Variants in FMO4 observed in about 807,000 individuals in gnomAD.
FMO4 encodes the protein dimethylaniline monooxygenase [N-oxide-forming] 4.
A neutral mutation model predicts 43.3 loss-of-function variants in FMO4; 38 were observed. That is an observed-to-expected ratio of 0.88 (90% confidence interval 0.68 to 1.15). FMO4 has a LOEUF of 1.15. Among genes scored for constraint, FMO4 ranks in the 50% most tolerant of loss-of-function variants. The pLI is 0.00. For missense variants in FMO4, 631 were observed against 663.3 expected (o/e 0.95, Z 0.54); for synonymous variants, 224 against 232.2 (o/e 0.96, Z 0.32).
Position 171,341,753 on chromosome 1 carries a change from T to A in FMO4, c.1591T>A (p.Cys531Ser). 1 of 1,613,856 alleles carries A rather than the reference T, an allele frequency of 6.2e-7. No homozygotes were observed. Among genetic ancestry groups the A allele is most frequent in the South Asian group, 1.1e-5 (1 of 91,072 alleles). The change falls in exon 10 of 10, where the codon TGT becomes AGT. Residue 531 changes from cysteine to serine, a missense_variant. Coordinates refer to ENST00000367749, the MANE Select transcript of FMO4 (RefSeq NM_002022.3). ...PVLLASLLLI[C>S]KSSLFLKLVR... ...CCTACTTGCCTCTCTTCTACTTATCTGTAAATCTTCACTTTTCTTGAAATT... is the reference window on the plus strand; with the variant it reads ...CCTACTTGCCTCTCTTCTACTTATCAGTAAATCTTCACTTTTCTTGAAATT...
chr1:171,331,881 T>G, intron 6 of FMO4, 99 bp downstream of exon 6: 1 of 1,042,696 alleles, frequency 9.6e-7, no homozygotes, highest in Non-Finnish European at 1.4e-6. Flanking sequence ...AATTGCTAAA[T>G]TATGCAGACA....
chr1:171,328,133 C>G (rs145225955), intron 5 of FMO4, among the ~76,000 whole-genome samples: 6,715 of 152,168 alleles, frequency 0.044, 473 homozygotes, highest in African/African-American at 0.15. Context: ...CTCCACCTCC[C>G]AGGTTCAAGC....
intron 4 of FMO4, 92 bp from the exon 5 acceptor site, chr1:171,324,046 C>A: frequency 8.3e-7 from 1 of 1,198,208 alleles, no homozygotes; most frequent in Non-Finnish European, 1.1e-6. Context: ...GGGACTTGGC[C>A]TACTAAAAGT....
chr1:171,334,739 C>T lies in FMO4; in HGVS notation c.1156C>T (p.Arg386Ter), dbSNP rs373453446. ...SILSGTELQA[R>*]WVTRVFKGLC... Reference sequence around the variant, plus strand: ...CTTATCAGGCACAGAGCTCCAAGCACGATGGGTCACAAGAGTATTCAAAGG... The same window carrying T: ...CTTATCAGGCACAGAGCTCCAAGCATGATGGGTCACAAGAGTATTCAAAGG... The change falls in exon 8 of 10, where the codon CGA becomes TGA. Residue 386 changes from arginine (R) to a stop codon, truncating the protein, a stop_gained. Transcript: ENST00000367749. LOFTEE classifies it high-confidence loss of function. 21 of 1,586,950 alleles carry T rather than the reference C, an allele frequency of 1.3e-5. No individual in the cohort carries two copies. Among genetic ancestry groups the T allele is most frequent in the East Asian group, 1.1e-4 (5 of 44,784 alleles).
chr1:171,333,990 A>AT (rs1471573628), intron 7 of FMO4, among the ~76,000 whole-genome samples: 2 of 152,050 alleles, frequency 1.3e-5, no homozygotes, highest in Non-Finnish European at 2.9e-5. Context: ...TGCCCAGCTA[A>AT]TTTTTTGTAT....
At chr1:171,323,720 T>C (rs1315540536) in intron 4 of FMO4, among the ~76,000 whole-genome samples, 2 of 152,154 alleles carry the variant, frequency 1.3e-5, no homozygotes, top group Non-Finnish European at 2.9e-5. Flanking sequence ...CAAACTCTCA[T>C]TCAGGATGAA....
At chr1:171,318,983 G>A (rs1317283302) in intron 2 of FMO4, among the ~76,000 whole-genome samples, 2 of 152,162 alleles carry the variant, frequency 1.3e-5, no homozygotes, top group Non-Finnish European at 2.9e-5. Flanking sequence ...GGATCTAGAG[G>A]TGTCATAAAA....
rs532902589 is a variant in FMO4 at position 171,340,164 on chromosome 1, T to C, written c.1251-1249T>C. The stretch of plus-strand genomic sequence containing the variant: ...CCTACGGACAACTTATTTAAAAATA[T>C]TTCAGCTATCAAAATTCTAGCTGTA... On this transcript the variant is annotated intron_variant, in intron 9 of 9. Coordinates refer to ENST00000367749, the MANE Select transcript of FMO4 (RefSeq NM_002022.3). Among the ~76,000 whole-genome samples the C allele has an allele frequency of 2.1e-4, 32 of 152,336 alleles. 1 individual carries two copies. The South Asian group carries it at 6.6e-3, about 32-fold the overall frequency.
chr1:171,324,415 C>A, intron 5 of FMO4, 115 bp downstream of exon 5: 2 of 767,660 alleles, frequency 2.6e-6, no homozygotes. Context: ...TATATTCATT[C>A]TCAAAAATAA....
chr1:171,335,350 T>C (rs1663076837), intron 8 of FMO4, among the ~76,000 whole-genome samples: 1 of 152,198 alleles, frequency 6.6e-6, no homozygotes, highest in South Asian at 2.1e-4. Flanking sequence ...ATGACAAGAA[T>C]TTTGTAAAAA....
intron 3 of FMO4, among the ~76,000 whole-genome samples, chr1:171,320,554 T>A (rs1237569683): frequency 6.6e-6 from 1 of 152,206 alleles, no homozygotes; most frequent in East Asian, 1.9e-4. Flanking sequence ...CCAGGCCACC[T>A]GTTAGGTGAC....
chr1:171,341,673 A>G lies in FMO4; in HGVS notation c.1511A>G (p.Asp504Gly), dbSNP rs547773096. 2 of 1,613,872 alleles carry G rather than the reference A, an allele frequency of 1.2e-6. No homozygotes were observed. Among genetic ancestry groups the G allele is most frequent in the South Asian group, 2.2e-5 (2 of 91,078 alleles). The part of the protein sequence containing the change: ...LKPLKTRIVP[D>G]SSKPASMSHY... ...CCTTTAAAAACTCGAATTGTCCCTG[A>G]TTCCTCCAAGCCTGCCTCCATGTCA... Residue 504 changes from aspartate (D) to glycine (G), a missense_variant, in exon 10 of 10, where the codon GAT becomes GGT. Physicochemically the swap from Asp to Gly is moderately conservative, Grantham distance 94 (BLOSUM62 -1). Transcript: ENST00000367749.
chr1:171,329,391 C>T (rs539565679), intron 5 of FMO4, among the ~76,000 whole-genome samples: 26 of 152,250 alleles, frequency 1.7e-4, no homozygotes, highest in African/African-American at 5.3e-4. Flanking sequence ...CCCAGGTCAT[C>T]GCCACACAGA....
chr1:171,328,496 A>G (rs183338380), intron 5 of FMO4, among the ~76,000 whole-genome samples: 2 of 152,214 alleles, frequency 1.3e-5, no homozygotes, highest in East Asian at 3.9e-4. Context: ...CTAAAAATAC[A>G]AAAATTATCC....
In FMO4 at chr1:171,318,316, A is replaced by AAATAATAAT. The variant is rs536741358; in HGVS notation, c.-8-1482_-8-1474dup. 1.6e-3 allele frequency among the ~76,000 whole-genome samples: 241 copies of AAATAATAAT among 149,032 alleles called. 1 individual carries two copies. The highest frequency in any genetic ancestry group is 7.0e-3 in the Middle Eastern group (2 of 286). On this transcript the variant is annotated intron_variant, in intron 2 of 9. Coordinates refer to ENST00000367749, the MANE Select transcript of FMO4 (RefSeq NM_002022.3). ...TGGGTGACAGAGCAAGACTGTCTCAAAATAATAATAATAATAATAATAATA... is the reference window on the plus strand; with the variant it reads ...TGGGTGACAGAGCAAGACTGTCTCAAAATAATAATAATAATAATAATAATAATAATAATA...
intron 5 of FMO4, among the ~76,000 whole-genome samples, chr1:171,329,282 G>A (rs753106990): frequency 9.2e-5 from 14 of 152,124 alleles, no homozygotes; most frequent in Non-Finnish European, 1.8e-4. Context: ...TTCTGATTCA[G>A]AGAGACGCTT....
chr1:171,315,537 T>C (rs1002340715), intron 1 of FMO4, among the ~76,000 whole-genome samples: 1 of 152,052 alleles, frequency 6.6e-6, no homozygotes, highest in Admixed American at 6.6e-5. Flanking sequence ...GTTTTACAAA[T>C]GTGGAAGCAC....
intron 3 of FMO4, among the ~76,000 whole-genome samples, chr1:171,322,093 G>A (rs1029500515): frequency 6.6e-6 from 1 of 152,202 alleles, no homozygotes; most frequent in Non-Finnish European, 1.5e-5. Context: ...TGAAAAAACA[G>A]AGGCTGCAGT....
At chr1:171,316,353 CTTG>C (rs1161281652) in intron 2 of FMO4, 26 bp downstream of exon 2, 4 of 152,104 alleles carry the variant, frequency 2.6e-5, no homozygotes, top group Admixed American at 1.3e-4. Flanking sequence ...CCTTTCCAAA[CTTG>C]TTGATACATT....
Sources: allele counts gnomAD v4.1 joint callset (sites outside exome capture counted in the v4.1 genomes callset), GRCh38; gene constraint gnomAD v4.1.1; transcripts MANE v1.5; gene names NCBI Gene and HGNC (gene_info 2026-07-23, HGNC 2026-07-21).